Variants in SMARCC1 observed in about 807,000 individuals in gnomAD.
SMARCC1 encodes the protein SWI/SNF complex subunit SMARCC1.
SMARCC1 carries 43 observed loss-of-function variants against 147.4 expected under a neutral mutation model. That is an observed-to-expected ratio of 0.29 (90% CI 0.23 to 0.38). SMARCC1 has a LOEUF of 0.38. SMARCC1 is among the 10% of genes least tolerant of loss of function. SMARCC1 has a pLI of 1.00. For synonymous variants in SMARCC1, 495 were observed against 484.4 expected (o/e 1.02, Z -0.29); for missense variants, 1,119 against 1,381.1 (o/e 0.81, Z 3.01).
At chr3:47,651,393 A>G (rs2033188510) in intron 21 of SMARCC1, among the ~76,000 whole-genome samples, 1 of 152,202 alleles carries the variant, frequency 6.6e-6, no homozygotes, top group African/African-American at 2.4e-5. Flanking sequence ...ATATTTTACA[A>G]TAGCCCACAA....
At chr3:47,600,657 C>A (rs1275205911) in intron 26 of SMARCC1, among the ~76,000 whole-genome samples, 1 of 152,058 alleles carries the variant, frequency 6.6e-6, no homozygotes. Flanking sequence ...AGTAACTTTC[C>A]CCTTAGAAAA....
intron 3 of SMARCC1, among the ~76,000 whole-genome samples, chr3:47,745,322 A>T (rs2034553272): frequency 6.6e-6 from 1 of 152,192 alleles, no homozygotes; most frequent in South Asian, 2.1e-4. Flanking sequence ...TGAGTTCATT[A>T]TACACACACA....
rs1553693291 is a variant in SMARCC1 at position 47,778,212 on chromosome 3, A to AAAC, written c.195+3390_195+3391insGTT. On this transcript the variant is annotated intron_variant, in intron 1 of 27. Coordinates refer to ENST00000254480, the MANE Select transcript of SMARCC1 (RefSeq NM_003074.4). Reference sequence around the variant, plus strand: ...TCTCAAAAAAAAAAAACAAAAAACAAAAAACAAAAAAAACACTGACTCCTA... The same window carrying AAAC: ...TCTCAAAAAAAAAAAACAAAAAACAAAACAAAACAAAAAAAACACTGACTCCTA... Among the ~76,000 whole-genome samples the AAAC allele has an allele frequency of 7.4e-3, 901 of 121,306 alleles. 31 individuals carry two copies. The highest frequency in any genetic ancestry group is 0.023 in the African/African-American group (724 of 32,174). 79.6% of individuals were successfully genotyped at this position (121,306 alleles called of 152,430 possible).
At chr3:47,608,802 T>C (rs1399959243) in intron 26 of SMARCC1, among the ~76,000 whole-genome samples, 1 of 140,858 alleles carries the variant, frequency 7.1e-6, no homozygotes, top group East Asian at 2.1e-4. Context: ...TGAGCCATGA[T>C]CATGTCACTG....
chr3:47,670,533 A>G (rs1576405733), intron 19 of SMARCC1, 125 bp downstream of exon 19: 1 of 695,136 alleles, frequency 1.4e-6, no homozygotes, highest in East Asian at 2.6e-5. Flanking sequence ...GCACTGAGCT[A>G]CCATCAGGCC....
intron 25 of SMARCC1, among the ~76,000 whole-genome samples, chr3:47,617,267 A>G (rs1171379204): frequency 6.6e-6 from 1 of 152,272 alleles, no homozygotes; most frequent in East Asian, 1.9e-4. Flanking sequence ...AAGAAGGGCT[A>G]ACAAAGAAGT....
chr3:47,781,648 G>A lies in SMARCC1; in HGVS notation c.150C>T (p.Ser50=), dbSNP rs2035049993. ...TKFWESPETV[S]QLDSVRVWLG... ...GCCAGACCCGCACCGAATCCAGCTG[G>A]GACACCGTCTCCGGGCTCTCCCAAA... The change falls in exon 1 of 28, where the codon TCC becomes TCT. Residue 50 remains serine (S), a synonymous_variant. Transcript: ENST00000254480. 1 of 1,556,738 alleles carries A rather than the reference G, an allele frequency of 6.4e-7. No homozygotes were observed. The highest frequency in any genetic ancestry group is 2.7e-5 in the East Asian group (1 of 37,268).
chr3:47,669,536 T>C (rs976372521), intron 19 of SMARCC1, among the ~76,000 whole-genome samples: 3 of 152,008 alleles, frequency 2.0e-5, no homozygotes, highest in African/African-American at 7.3e-5. Flanking sequence ...GTCAGTACCA[T>C]AGGAAAGATA....
intron 6 of SMARCC1, among the ~76,000 whole-genome samples, chr3:47,722,897 G>A: frequency 6.6e-6 from 1 of 152,208 alleles, no homozygotes; most frequent in East Asian, 1.9e-4. Flanking sequence ...CTAAGCCAAA[G>A]CCTGCATTGG....
chr3:47,641,120 A>G (rs2033042302), intron 21 of SMARCC1, among the ~76,000 whole-genome samples: 1 of 152,276 alleles, frequency 6.6e-6, no homozygotes, highest in Non-Finnish European at 1.5e-5. Flanking sequence ...AATTAAGAGC[A>G]AGACAAGAAT....
chr3:47,743,665 T>A (rs2034534553), intron 3 of SMARCC1, among the ~76,000 whole-genome samples: 1 of 151,844 alleles, frequency 6.6e-6, no homozygotes, highest in African/African-American at 2.4e-5. Flanking sequence ...ATACAAAAAT[T>A]AGCCATGTGT....
At chr3:47,631,154 A>G (rs1017601656) in intron 24 of SMARCC1, among the ~76,000 whole-genome samples, 1 of 152,074 alleles carries the variant, frequency 6.6e-6, no homozygotes, top group Non-Finnish European at 1.5e-5. Flanking sequence ...AGAAAGAGAG[A>G]AGGAGAGAGA....
intron 25 of SMARCC1, among the ~76,000 whole-genome samples, chr3:47,619,897 C>G (rs572040919): frequency 2.0e-5 from 3 of 152,140 alleles, no homozygotes. Flanking sequence ...AGGTACTGGG[C>G]TACTCATCAT....
intron 6 of SMARCC1, among the ~76,000 whole-genome samples, chr3:47,724,348 C>T (rs1221157988): frequency 6.6e-6 from 1 of 152,162 alleles, no homozygotes; most frequent in East Asian, 1.9e-4. Flanking sequence ...ACAATAAGGA[C>T]ACTGTACCAA....
chr3:47,766,405 A>C (rs1230745659), intron 2 of SMARCC1, among the ~76,000 whole-genome samples: 1 of 151,934 alleles, frequency 6.6e-6, no homozygotes, highest in Non-Finnish European at 1.5e-5. Flanking sequence ...GTCTCTACAA[A>C]AAAAAAAAAC....
rs988298992 is a variant in SMARCC1, at chr3:47,736,042, G to A, written c.568C>T (p.Arg190Ter). 2.6e-6 allele frequency: 4 copies of A among 1,538,844 alleles called. No homozygotes were observed. The highest frequency in any genetic ancestry group is 3.6e-6 in the Non-Finnish European group (4 of 1,118,902). ...LANKLKDIIK[R>*]HQGTFTDEKS... Reference sequence around the variant, plus strand: ...GTGATTGTGTCTATTACCTGATGTCGTTTGATGATATCTTTCAATTTGTTA... The same window carrying A: ...GTGATTGTGTCTATTACCTGATGTCATTTGATGATATCTTTCAATTTGTTA... Residue 190 changes from arginine to a stop codon, truncating the protein, a stop_gained, in exon 5 of 28, where the codon CGA becomes TGA. Coordinates refer to ENST00000254480, the MANE Select transcript of SMARCC1 (RefSeq NM_003074.4). LOFTEE classifies it high-confidence loss of function.
chr3:47,733,036 G>A (rs2034394250), intron 5 of SMARCC1, among the ~76,000 whole-genome samples: 1 of 150,760 alleles, frequency 6.6e-6, no homozygotes, highest in African/African-American at 2.4e-5. Context: ...GAACCCGGGA[G>A]GTGGAGGATG....
chr3:47,686,122 C>T lies in SMARCC1; in HGVS notation c.1312G>A (p.Gly438Arg). The change falls in exon 14 of 28, where the codon GGG (glycine) becomes AGG (arginine). Residue 438 changes from glycine (G) to arginine (R), a missense_variant. Around this residue, in one of 6 missense-constraint regions of SMARCC1, gnomAD observed 542 missense variants for 611.8 expected, o/e 0.89. Transcript: ENST00000254480. The part of the protein sequence containing the change: ...KGDQSRSVDL[G>R]EDNVTEQTNH... ...GTCTGCTCTGTCACATTATCTTCCC[C>T]AAGGTCAACTGATCGACTCTGATCA... 1 of 1,611,168 alleles carries T rather than the reference C, an allele frequency of 6.2e-7. No homozygotes were observed. The highest frequency in any genetic ancestry group is 8.5e-7 in the Non-Finnish European group (1 of 1,177,470).
chr3:47,642,729 T>A (rs2033065108), intron 21 of SMARCC1, among the ~76,000 whole-genome samples: 1 of 152,206 alleles, frequency 6.6e-6, no homozygotes, highest in Admixed American at 6.5e-5. Context: ...TGTAAAATAG[T>A]ACATATGCTT....
Sources: gnomAD v4.1 joint callset for allele counts (sites outside exome capture counted in the v4.1 genomes callset) on GRCh38, gnomAD v4.1.1 for gene constraint, gnomAD v4.1.1 regional missense constraint, MANE v1.5 for transcripts, NCBI Gene and HGNC (gene_info 2026-07-23, HGNC 2026-07-21) for gene names.